The following MACROH2A2 variants were observed in gnomAD, a reference collection of about 807,000 sequenced individuals.
MACROH2A2 encodes the protein macroH2A.2 histone, also known as core histone macro-H2A.2.
Under a neutral mutation model 37.6 loss-of-function variants are expected in MACROH2A2, and 6 were observed. The ratio of observed to expected loss-of-function variants is 0.16; its 90% confidence interval spans 0.09 to 0.32. The LOEUF is 0.32. MACROH2A2 is among the 10% of genes least tolerant of loss of function. The probability of loss-of-function intolerance (pLI) is 1.00; values close to 1 mark genes in which losing one functional copy is unlikely to be tolerated. For synonymous variants in MACROH2A2, 192 were observed against 202.7 expected (o/e 0.95, Z 0.45); for missense variants, 290 against 485.9 (o/e 0.60, Z 3.79).
intron 3 of MACROH2A2, 50 bp downstream of exon 3, chr10:70,090,216 C>G (rs1028854673): frequency 8.3e-7 from 1 of 1,211,428 alleles, no homozygotes; most frequent in Non-Finnish European, 1.2e-6. Context: ...GCCAAACATG[C>G]TAATGTGTGG....
At chr10:70,072,697 C>T (rs1272746309) in intron 1 of MACROH2A2, among the ~76,000 whole-genome samples, 1 of 152,148 alleles carries the variant, frequency 6.6e-6, no homozygotes, top group Admixed American at 6.5e-5. Context: ...TGGCTCACAC[C>T]TGTAATCCCA....
intron 1 of MACROH2A2, among the ~76,000 whole-genome samples, chr10:70,072,541 A>C (rs2072116662): frequency 6.6e-6 from 1 of 152,232 alleles, no homozygotes; most frequent in African/African-American, 2.4e-5. Context: ...TTTGTTATCA[A>C]GTATTATATA....
intron 1 of MACROH2A2, among the ~76,000 whole-genome samples, chr10:70,061,605 C>T (rs2072050450): frequency 6.6e-6 from 1 of 152,144 alleles, no homozygotes; most frequent in African/African-American, 2.4e-5. Flanking sequence ...ATGCCCCTAC[C>T]CCTTGTCCCC....
rs2072347113 is a variant in MACROH2A2, at chr10:70,107,867, A to T, written c.779-1166A>T. 6.6e-6 allele frequency among the ~76,000 whole-genome samples: 1 copy of T among 152,174 alleles called. No individual in the cohort carries two copies. The highest frequency in any genetic ancestry group is 1.5e-5 in the Non-Finnish European group (1 of 68,020). ...GCCCCTGCACCAGACCTACTGAGTC[A>T]GGACCTCTGGGTGGTCAGTACCCTG... On this transcript the variant is annotated intron_variant, in intron 7 of 8. Transcript: ENST00000373255. This position sits in a 1 kb window ranked among gnomAD's most constrained non-coding sequence, Gnocchi z 4.4.
chr10:70,083,984 T>C (rs2072196208), intron 2 of MACROH2A2, among the ~76,000 whole-genome samples: 1 of 151,638 alleles, frequency 6.6e-6, no homozygotes, highest in South Asian at 2.1e-4. Flanking sequence ...ATAGTAGATA[T>C]TGAGAAGGAA....
At chr10:70,102,962 A>G (rs1035013794) in intron 7 of MACROH2A2, among the ~76,000 whole-genome samples, 1 of 149,656 alleles carries the variant, frequency 6.7e-6, no homozygotes, top group Non-Finnish European at 1.5e-5. Context: ...CTCCAGGTCT[A>G]TAAGATGCAG....
At chr10:70,109,521 C>A (rs2072357805) in intron 8 of MACROH2A2, among the ~76,000 whole-genome samples, 1 of 152,188 alleles carries the variant, frequency 6.6e-6, no homozygotes, top group South Asian at 2.1e-4. Context: ...TTTTTGAGAG[C>A]CTTCCAGGTT....
At chr10:70,067,407 G>A (rs938492338) in intron 1 of MACROH2A2, among the ~76,000 whole-genome samples, 11 of 152,248 alleles carry the variant, frequency 7.2e-5, no homozygotes, top group Admixed American at 3.3e-4. Context: ...AAAACAATTC[G>A]TCTTGACATG....
chr10:70,110,882 T>C (rs376055346), intron 8 of MACROH2A2, among the ~76,000 whole-genome samples: 2 of 151,814 alleles, frequency 1.3e-5, no homozygotes, highest in East Asian at 3.9e-4. Context: ...AGCAAGACTT[T>C]GCCTCTGAAA....
At chr10:70,079,605 A>ACACACACACG (rs2072163193) in intron 2 of MACROH2A2, among the ~76,000 whole-genome samples, 1 of 150,624 alleles carries the variant, frequency 6.6e-6, no homozygotes, top group Non-Finnish European at 1.5e-5. Flanking sequence ...ACACACACAC[A>ACACACACACG]CGGCAGAGGA....
intron 1 of MACROH2A2, among the ~76,000 whole-genome samples, chr10:70,054,862 A>G (rs1458041828): frequency 6.6e-6 from 1 of 152,192 alleles, no homozygotes; most frequent in African/African-American, 2.4e-5. Context: ...TCCTTTTAAA[A>G]CATGCCCAGT....
At chr10:70,097,113 C>T (rs1019173903) in intron 6 of MACROH2A2, among the ~76,000 whole-genome samples, 2 of 152,092 alleles carry the variant, frequency 1.3e-5, no homozygotes, top group Admixed American at 6.5e-5. Context: ...CAAAAATTCA[C>T]GCTCAGATCC....
Position 70,081,368 on chromosome 10 carries a change from C to T in MACROH2A2, c.172+5538C>T, listed in dbSNP as rs138175658. Among the ~76,000 whole-genome samples, 435 of 152,058 alleles carry T rather than the reference C, an allele frequency of 2.9e-3. 2 individuals are homozygous for T. The highest frequency in any genetic ancestry group is 0.01 in the Middle Eastern group (3 of 294). ...GGAGCTGTGAGCAGGAGGTTCACAT[C>T]GGTGTGTTAAGGCAGTGGAAGTGAG... On this transcript the variant is annotated intron_variant, in intron 2 of 8. Transcript: ENST00000373255.
At chr10:70,058,930 C>A (rs2072034106) in intron 1 of MACROH2A2, among the ~76,000 whole-genome samples, 1 of 150,884 alleles carries the variant, frequency 6.6e-6, no homozygotes, top group Non-Finnish European at 1.5e-5. Context: ...CCTATCACGA[C>A]TAAACTGAAT....
At chr10:70,059,960 A>G (rs539569003) in intron 1 of MACROH2A2, among the ~76,000 whole-genome samples, 19 of 152,298 alleles carry the variant, frequency 1.2e-4, no homozygotes, top group Non-Finnish European at 1.9e-4. Context: ...CCCAGGAGCT[A>G]CAGGGGACCC....
intron 1 of MACROH2A2, among the ~76,000 whole-genome samples, chr10:70,067,061 G>C (rs1463346520): frequency 1.3e-5 from 2 of 152,146 alleles, no homozygotes; most frequent in Non-Finnish European, 2.9e-5. Context: ...AGTGCTATTG[G>C]CCAGAAGCTC....
rs376921182 is a variant in MACROH2A2, at chr10:70,095,761, C to A, written c.688+8C>A. Reference sequence around the variant, plus strand: ...ACCTCAAAGAAGATATAGGTAAGGTCCTGAGACTTCAGTAGAAGTGCCATA... The same window carrying A: ...ACCTCAAAGAAGATATAGGTAAGGTACTGAGACTTCAGTAGAAGTGCCATA... On this transcript the variant is annotated splice_region_variant and intron_variant, in intron 6 of 8. Coordinates refer to ENST00000373255, the MANE Select transcript of MACROH2A2 (RefSeq NM_018649.3). 5.0e-5 allele frequency: 68 copies of A among 1,357,582 alleles called. No individual in the cohort carries two copies. Among genetic ancestry groups the A allele is most frequent in the Non-Finnish European group, 1.1e-5 (10 of 945,934 alleles). 84.1% of individuals were successfully genotyped at this position (1,357,582 alleles called of 1,614,324 possible). A position where few individuals can be genotyped will look rare whatever the true frequency, so the allele number is the denominator to read the frequency against.
At position 70,109,071 on chromosome 10, in the gene MACROH2A2, G is replaced by A. The variant is rs1243611323; in HGVS notation, c.817G>A (p.Val273Ile). The change falls in exon 8 of 9, where the codon GTC becomes ATC. Residue 273 changes from valine to isoleucine, a missense_variant. Physicochemically the swap from Val to Ile is conservative, Grantham distance 29 (BLOSUM62 3). Around this residue, in one of 3 missense-constraint regions of MACROH2A2, gnomAD observed 130 missense variants for 257.1 expected, o/e 0.51. Transcript: ENST00000373255. ...SQSSGLAAKF[V>I]IHCHIPQWGS... ...ATCCAGTGGACTCGCAGCCAAATTT[G>A]TCATCCACTGTCACATCCCTCAGTG... 6 of 1,614,188 alleles carry A rather than the reference G, an allele frequency of 3.7e-6. No individual in the cohort carries two copies. The highest frequency in any genetic ancestry group is 1.7e-4 in the Middle Eastern group (1 of 6,060).
chr10:70,100,290 C>T lies in MACROH2A2; in HGVS notation c.771C>T (p.Val257=), dbSNP rs770223588. ...GCAAATCCCAAGGCCCTTTGGAAGT[C>T]GCCGAAGGTAAGTGTGGAACTAGGC... is the stretch of plus-strand genomic sequence containing the variant. The part of the protein sequence containing the change: ...ELRKSQGPLE[V]AEAAVSQSSG... The change falls in exon 7 of 9, where the codon GTC becomes GTT. Residue 257 remains valine, a synonymous_variant. Coordinates refer to ENST00000373255, the MANE Select transcript of MACROH2A2 (RefSeq NM_018649.3). 8.2e-6 allele frequency: 13 copies of T among 1,588,862 alleles called. No homozygotes were observed. The highest frequency in any genetic ancestry group is 1.7e-4 in the Middle Eastern group (1 of 5,998).
Sources: allele counts gnomAD v4.1 joint callset (sites outside exome capture counted in the v4.1 genomes callset), GRCh38; gene constraint gnomAD v4.1.1; regional missense constraint gnomAD v4.1.1; non-coding constraint Gnocchi (gnomAD v3.1); transcripts MANE v1.5; gene names NCBI Gene and HGNC (gene_info 2026-07-23, HGNC 2026-07-21).